The following ZDHHC7 variants were observed in gnomAD, a reference collection of about 807,000 sequenced individuals.
ZDHHC7 encodes palmitoyltransferase ZDHHC7.
In ZDHHC7, 12 loss-of-function variants were observed where a neutral mutation model predicts 34.1. The observed-to-expected ratio is 0.35, with a 90% confidence interval of 0.23 to 0.57. ZDHHC7 has a LOEUF of 0.57. Ranked by LOEUF, ZDHHC7 falls within the 20% of genes least tolerant of loss-of-function variation. The pLI is 0.84. For missense variants in ZDHHC7, 388 were observed against 402.7 expected (o/e 0.96, Z 0.31); for synonymous variants, 185 against 155.4 (o/e 1.19, Z -1.42).
At chr16:84,987,578 C>T (rs1040139103) in intron 3 of ZDHHC7, among the ~76,000 whole-genome samples, 2 of 151,956 alleles carry the variant, frequency 1.3e-5, no homozygotes, top group African/African-American at 2.4e-5. Flanking sequence ...ACCATATGTC[C>T]CAGCAACTCC....
chr16:84,993,229 G>T (rs1196872125), intron 2 of ZDHHC7, among the ~76,000 whole-genome samples: 1 of 152,032 alleles, frequency 6.6e-6, no homozygotes, highest in African/African-American at 2.4e-5. Flanking sequence ...GCTGAGGGGG[G>T]AAGATTGCTT....
chr16:85,017,677 C>T, the ZDHHC7 span, among the ~76,000 whole-genome samples: 1 of 152,156 alleles, frequency 6.6e-6, no homozygotes, highest in Non-Finnish European at 1.5e-5. Context: ...ATAATTGATA[C>T]CCGTGGGCTG....
At chr16:84,996,887 C>T (rs989934117) in intron 1 of ZDHHC7, among the ~76,000 whole-genome samples, 7 of 151,926 alleles carry the variant, frequency 4.6e-5, no homozygotes, top group African/African-American at 9.7e-5. Flanking sequence ...ATTAGCTGGA[C>T]GTGGTGGTGG....
Position 84,984,871 on chromosome 16 carries a change from G to C in ZDHHC7, c.316-2877C>G, listed in dbSNP as rs959820396. On this transcript the variant is annotated intron_variant, in intron 3 of 7. Coordinates refer to ENST00000313732, the MANE Select transcript of ZDHHC7 (RefSeq NM_017740.3). ...GCAGAAACAGAGACCATATGCAGAG[G>C]GGGTGTGCACGGCTGCACCATCTCA... 3.3e-5 allele frequency among the ~76,000 whole-genome samples: 5 copies of C among 152,208 alleles called. No homozygotes were observed. The East Asian group carries it at 7.7e-4, about 24-fold the overall frequency.
At chr16:84,998,749 C>CT (rs71151260) in intron 1 of ZDHHC7, among the ~76,000 whole-genome samples, 8,673 of 112,528 alleles carry the variant, frequency 0.077, 505 homozygotes, top group African/African-American at 0.11. Context: ...CCTTCTGAAC[C>CT]TTTTTTTTTT....
At chr16:85,017,193 A>T in the ZDHHC7 span, among the ~76,000 whole-genome samples, 1 of 152,252 alleles carries the variant, frequency 6.6e-6, no homozygotes, top group Non-Finnish European at 1.5e-5. Flanking sequence ...AATAAATAAG[A>T]CAACCCAATA....
At chr16:84,981,119 A>C (rs1375674224) in intron 4 of ZDHHC7, among the ~76,000 whole-genome samples, 1 of 152,224 alleles carries the variant, frequency 6.6e-6, no homozygotes, top group African/African-American at 2.4e-5. Context: ...AAATACACCC[A>C]GACATTCACA....
chr16:84,984,119 A>C (rs2072406602), intron 3 of ZDHHC7, among the ~76,000 whole-genome samples: 1 of 151,376 alleles, frequency 6.6e-6, no homozygotes, highest in East Asian at 2.0e-4. Context: ...TCCGGGGTTC[A>C]AGCGATTCTC....
Position 84,990,405 on chromosome 16 carries a change from G to C in ZDHHC7, c.214C>G (p.Pro72Ala), listed in dbSNP as rs867198187. ...ACAGAGTACCAGAAGTCTTTGGAAG[G>C]CAGCAGCATGACGAAAGTCACCACG... is the stretch of plus-strand genomic sequence containing the variant. Reference protein sequence around the residue: ...DFVVTFVMLLPSKDFWYSVVN... With the variant: ...DFVVTFVMLLASKDFWYSVVN... Residue 72 changes from proline (P) to alanine (A), a missense_variant, in exon 3 of 8, where the codon CCT becomes GCT. Physicochemically the swap from Pro to Ala is conservative, Grantham distance 27. Transcript: ENST00000313732. 3 of 1,614,144 alleles carry C rather than the reference G, an allele frequency of 1.9e-6. No homozygotes were observed. Among genetic ancestry groups the C allele is most frequent in the Non-Finnish European group, 2.5e-6 (3 of 1,180,036 alleles).
the ZDHHC7 span, among the ~76,000 whole-genome samples, chr16:85,022,305 G>A: frequency 6.6e-6 from 1 of 152,008 alleles, no homozygotes; most frequent in African/African-American, 2.4e-5. Context: ...TGGATCACTT[G>A]GGGTCAGGAG....
chr16:85,008,084 C>A (rs1435072718), intron 1 of ZDHHC7, among the ~76,000 whole-genome samples: 3 of 152,068 alleles, frequency 2.0e-5, no homozygotes, highest in Non-Finnish European at 4.4e-5. Context: ...CCACCGCACT[C>A]CAGCCTGGGC....
Position 84,981,951 on chromosome 16 carries a change from C to T in ZDHHC7, c.359G>A (p.Ser120Asn). Residue 120 changes from serine (S) to asparagine (N), a missense_variant, in exon 4 of 8, where the codon AGC becomes AAC. Coordinates refer to ENST00000313732, the MANE Select transcript of ZDHHC7 (RefSeq NM_017740.3). ...KGNATKEYME[S>N]LQLKPGEVIY... ...GACTTCCCCGGGCTTCAGCTGCAAGCTCTCCATGTATTCTTTCGTAGCGTT... is the reference window on the plus strand; with the variant it reads ...GACTTCCCCGGGCTTCAGCTGCAAGTTCTCCATGTATTCTTTCGTAGCGTT... 1 of 1,614,202 alleles carries T rather than the reference C, an allele frequency of 6.2e-7. No individual in the cohort carries two copies. The highest frequency in any genetic ancestry group is 1.1e-5 in the South Asian group (1 of 91,082).
At chr16:85,027,245 G>T in the ZDHHC7 span, among the ~76,000 whole-genome samples, 3 of 152,158 alleles carry the variant, frequency 2.0e-5, no homozygotes, top group Non-Finnish European at 1.5e-5. Flanking sequence ...AATCTCTTTT[G>T]AAAAATTTTT....
the ZDHHC7 span, among the ~76,000 whole-genome samples, chr16:85,019,497 C>T: frequency 9.2e-5 from 14 of 152,236 alleles, no homozygotes; most frequent in Admixed American, 8.5e-4. Context: ...GCGGGCAGAT[C>T]ACCTGAGGTC....
chr16:85,019,045 C>G, the ZDHHC7 span, among the ~76,000 whole-genome samples: 1 of 152,318 alleles, frequency 6.6e-6, no homozygotes, highest in South Asian at 2.1e-4. Flanking sequence ...GGGTGCTTGG[C>G]AAAGCCTTGT....
chr16:84,987,341 A>G (rs2072449609), intron 3 of ZDHHC7, among the ~76,000 whole-genome samples: 1 of 152,250 alleles, frequency 6.6e-6, no homozygotes, highest in African/African-American at 2.4e-5. Flanking sequence ...CACAGCAAAG[A>G]CAGTGAGATA....
intron 1 of ZDHHC7, among the ~76,000 whole-genome samples, chr16:85,002,760 C>T (rs1162285740): frequency 6.6e-6 from 1 of 152,046 alleles, no homozygotes; most frequent in Non-Finnish European, 1.5e-5. Context: ...AATGATCCTT[C>T]CTCCCTGGAG....
chr16:84,996,405 G>A (rs939994026), intron 1 of ZDHHC7, among the ~76,000 whole-genome samples: 1 of 152,138 alleles, frequency 6.6e-6, no homozygotes, highest in African/African-American at 2.4e-5. Context: ...ACTTGAGGCA[G>A]GAGGGGTGGA....
the ZDHHC7 span, among the ~76,000 whole-genome samples, chr16:85,018,331 T>G: frequency 6.6e-6 from 1 of 152,166 alleles, no homozygotes; most frequent in Non-Finnish European, 1.5e-5. Context: ...TGATTCTCAC[T>G]GAAGGGAAGG....
Sources: gnomAD v4.1 joint callset for allele counts (sites outside exome capture counted in the v4.1 genomes callset) on GRCh38, gnomAD v4.1.1 for gene constraint, MANE v1.5 for transcripts, NCBI Gene and HGNC (gene_info 2026-07-23, HGNC 2026-07-21) for gene names.